Variants in MAST4 observed in about 807,000 individuals in gnomAD.
The protein encoded by MAST4 is microtubule-associated serine/threonine-protein kinase 4.
In MAST4, 89 loss-of-function variants were observed where a neutral mutation model predicts 162.7. The observed-to-expected ratio is 0.55, with a 90% CI of 0.46 to 0.65. The LOEUF is 0.65. Among genes scored for constraint, MAST4 ranks in the 30% least tolerant of loss-of-function variants. MAST4 has a pLI of 0.00. For missense variants in MAST4, 3,153 were observed against 3,374.0 expected (o/e 0.93, Z 1.62); for synonymous variants, 1,479 against 1,361.1 (o/e 1.09, Z -1.91).
At position 67,114,154 on chromosome 5, in the gene MAST4, G is replaced by A. The variant is rs756149069; in HGVS notation, c.1526G>A (p.Gly509Asp). The stretch of plus-strand genomic sequence containing the variant: ...GAAGGCCATGCCAAAGAAGGACAGG[G>A]TATTAAAACCGACATTCCCAGGTAC... ...AAEGHAKEGQ[G>D]IKTDIPRYII... Residue 509 changes from glycine to aspartate, a missense_variant, in exon 12 of 29, where the codon GGT (glycine) becomes GAT (aspartate). Physicochemically the swap from Gly to Asp is moderately conservative, Grantham distance 94 (BLOSUM62 -1). Transcript: ENST00000403625. 6.2e-7 allele frequency: 1 copy of A among 1,612,352 alleles called. No homozygotes were observed. Among genetic ancestry groups the A allele is most frequent in the Non-Finnish European group, 8.5e-7 (1 of 1,179,454 alleles).
intron 5 of MAST4, among the ~76,000 whole-genome samples, chr5:67,059,021 C>T (rs1345225627): frequency 1.3e-5 from 2 of 152,140 alleles, no homozygotes; most frequent in African/African-American, 4.8e-5. Flanking sequence ...TATTATGAGG[C>T]CAAAATCAAG....
chr5:67,039,013 T>C (rs1398835606), intron 4 of MAST4, among the ~76,000 whole-genome samples: 2 of 152,214 alleles, frequency 1.3e-5, no homozygotes, highest in Admixed American at 1.3e-4. Context: ...TATACTTGAA[T>C]GGAAATATGT....
At chr5:66,792,546 T>A (rs1324679899) in intron 3 of MAST4, 3 of 150,754 alleles carry the variant, frequency 2.0e-5, no homozygotes, top group African/African-American at 7.3e-5. Flanking sequence ...AAAAGTGACT[T>A]TTTTTTTTAG....
At chr5:66,881,108 C>T (rs534163028) in intron 3 of MAST4, among the ~76,000 whole-genome samples, 1 of 152,304 alleles carries the variant, frequency 6.6e-6, no homozygotes, top group Admixed American at 6.5e-5. Context: ...CCAGAAGATC[C>T]CATTGTGCTA....
At chr5:66,905,157 A>T (rs892169393) in intron 4 of MAST4, among the ~76,000 whole-genome samples, 29 of 152,228 alleles carry the variant, frequency 1.9e-4, no homozygotes, top group African/African-American at 6.3e-4. Context: ...AAATACAAAA[A>T]TTAACCAGGC....
At chr5:66,764,577 C>A (rs1283221776) in intron 2 of MAST4, among the ~76,000 whole-genome samples, 1 of 151,696 alleles carries the variant, frequency 6.6e-6, no homozygotes, top group Non-Finnish European at 1.5e-5. Flanking sequence ...ATGATCCTGA[C>A]TCTGCATAGG....
At chr5:66,654,266 C>T (rs1412125716) in intron 1 of MAST4, among the ~76,000 whole-genome samples, 2 of 152,118 alleles carry the variant, frequency 1.3e-5, no homozygotes, top group Admixed American at 1.3e-4. Context: ...CAGAATAATC[C>T]TCCTTTAAGC....
At chr5:66,816,741 A>C (rs1756747076) in intron 3 of MAST4, among the ~76,000 whole-genome samples, 1 of 152,064 alleles carries the variant, frequency 6.6e-6, no homozygotes, top group South Asian at 2.1e-4. Context: ...TTCTTCCCCC[A>C]GCTCCCCATC....
intron 1 of MAST4, among the ~76,000 whole-genome samples, chr5:66,610,789 CAGCCT>C (rs1189886713): frequency 6.6e-6 from 1 of 152,262 alleles, no homozygotes; most frequent in African/African-American, 2.4e-5. Flanking sequence ...CCCACACATT[CAGCCT>C]TCACTCCCAG....
At chr5:66,686,247 T>C (rs1748647803) in intron 1 of MAST4, among the ~76,000 whole-genome samples, 2 of 152,224 alleles carry the variant, frequency 1.3e-5, no homozygotes, top group African/African-American at 2.4e-5. Flanking sequence ...CATAGGTGGC[T>C]GTAAGATTAA....
At chr5:67,030,104 T>C (rs1755122804) in intron 4 of MAST4, among the ~76,000 whole-genome samples, 1 of 152,118 alleles carries the variant, frequency 6.6e-6, no homozygotes, top group Non-Finnish European at 1.5e-5. Flanking sequence ...ATCTAGGAAA[T>C]TGTAAAACCA....
chr5:66,688,313 G>T (rs1320498806), intron 1 of MAST4, among the ~76,000 whole-genome samples: 1 of 152,184 alleles, frequency 6.6e-6, no homozygotes, highest in East Asian at 1.9e-4. Context: ...TGGATATGAA[G>T]TAACCTTAGG....
intron 2 of MAST4, among the ~76,000 whole-genome samples, chr5:66,778,111 G>A (rs965033308): frequency 5.9e-5 from 9 of 152,102 alleles, no homozygotes; most frequent in African/African-American, 2.2e-4. Flanking sequence ...CGTCACGCAG[G>A]CATTCATTCA....
At chr5:67,053,748 C>T (rs981270797) in intron 4 of MAST4, among the ~76,000 whole-genome samples, 1 of 152,086 alleles carries the variant, frequency 6.6e-6, no homozygotes, top group Non-Finnish European at 1.5e-5. Flanking sequence ...TAATTTATTT[C>T]TATGCTCTGG....
Position 66,837,894 on chromosome 5 carries a change from ATTTTTTTTTTT to A in MAST4, c.642+49113_642+49123del, listed in dbSNP as rs754095073. Among the ~76,000 whole-genome samples the A allele has an allele frequency of 3.0e-3, 162 of 53,676 alleles. 1 individual carries two copies. The highest frequency in any genetic ancestry group is 0.016 in the African/African-American group (154 of 9,644). 35.2% of individuals were successfully genotyped at this position (53,676 alleles called of 152,430 possible). A position where few individuals can be genotyped will look rare whatever the true frequency, so the allele number is the denominator to read the frequency against. On this transcript the variant is annotated intron_variant, in intron 3 of 28. Transcript: ENST00000403625. ...TATATATATATATATATATATATAT[ATTTTTTTTTTT>A]TTTTTTTTTTTTAATGTGGAGGTGT...
intron 4 of MAST4, among the ~76,000 whole-genome samples, chr5:66,985,337 G>A (rs1749357841): frequency 1.3e-5 from 2 of 152,152 alleles, no homozygotes; most frequent in South Asian, 4.1e-4. Context: ...GTTCAGGAGA[G>A]GTAGGTGAGT....
At chr5:67,133,469 A>G in intron 16 of MAST4, 45 bp from the exon 17 acceptor site, 1 of 1,597,134 alleles carries the variant, frequency 6.3e-7, no homozygotes, top group Non-Finnish European at 8.6e-7. Flanking sequence ...ATAGATAACC[A>G]GCTTATAAAG....
At chr5:66,742,756 TTC>T (rs1284928051) in intron 1 of MAST4, among the ~76,000 whole-genome samples, 2 of 152,168 alleles carry the variant, frequency 1.3e-5, no homozygotes, top group African/African-American at 4.8e-5. Context: ...CAGGAGAGTT[TTC>T]TTCTGGCAAG....
At chr5:66,753,220 C>T (rs1753300622) in intron 1 of MAST4, among the ~76,000 whole-genome samples, 1 of 151,932 alleles carries the variant, frequency 6.6e-6, no homozygotes, top group Admixed American at 6.5e-5. Context: ...AAATTGACAC[C>T]CTAATATCAC....
Sources: gnomAD v4.1 joint callset for allele counts (sites outside exome capture counted in the v4.1 genomes callset) on GRCh38, gnomAD v4.1.1 for gene constraint, MANE v1.5 for transcripts, NCBI Gene and HGNC (gene_info 2026-07-23, HGNC 2026-07-21) for gene names.